OTUD7A: variants seen among roughly 807,000 people sequenced by gnomAD.
OTUD7A encodes the protein OTU deubiquitinase 7A.
OTUD7A carries 12 observed loss-of-function variants against 65.7 expected under a neutral mutation model. The ratio of observed to expected loss-of-function variants is 0.18; its 90% CI spans 0.12 to 0.30. The LOEUF is 0.30. OTUD7A is among the 10% of genes least tolerant of loss of function. OTUD7A has a pLI of 1.00. For missense variants in OTUD7A, 1,148 were observed against 1,304.8 expected (o/e 0.88, Z 1.85); for synonymous variants, 641 against 586.3 (o/e 1.09, Z -1.35).
intron 1 of OTUD7A, among the ~76,000 whole-genome samples, chr15:31,736,056 A>C (rs1024954270): frequency 6.6e-6 from 1 of 152,172 alleles, no homozygotes; most frequent in Non-Finnish European, 1.5e-5. Flanking sequence ...ACTGGGGCCT[A>C]CTGGAGGGCA....
chr15:31,637,099 A>T (rs573886291), intron 3 of OTUD7A, among the ~76,000 whole-genome samples: 1 of 152,346 alleles, frequency 6.6e-6, no homozygotes, highest in African/African-American at 2.4e-5. Context: ...TATACAACAG[A>T]TGTTCAATGT....
At chr15:31,655,429 T>C in intron 2 of OTUD7A, 179 bp from the exon 3 acceptor site, 1 of 456,968 alleles carries the variant, frequency 2.2e-6, no homozygotes, top group Non-Finnish European at 3.8e-6. Context: ...GACATTATAT[T>C]ATAGAATGCT....
chr15:31,653,333 T>C, intron 3 of OTUD7A, among the ~76,000 whole-genome samples: 1 of 152,098 alleles, frequency 6.6e-6, no homozygotes, highest in Non-Finnish European at 1.5e-5. Flanking sequence ...CTAGAAGCTC[T>C]AGTTGTAACT....
intron 1 of OTUD7A, among the ~76,000 whole-genome samples, chr15:31,661,642 C>G (rs1892167220): frequency 6.6e-6 from 1 of 152,174 alleles, no homozygotes; most frequent in African/African-American, 2.4e-5. Flanking sequence ...CCAGATAACA[C>G]ATTATTTCAT....
chr15:31,718,770 T>C (rs933535120), intron 1 of OTUD7A, among the ~76,000 whole-genome samples: 174 of 147,086 alleles, frequency 1.2e-3, no homozygotes, highest in African/African-American at 3.6e-3. Context: ...ATTGTTATCA[T>C]GGACTGTGCA....
At chr15:31,683,171 C>T (rs574811204) in intron 1 of OTUD7A, among the ~76,000 whole-genome samples, 4 of 152,190 alleles carry the variant, frequency 2.6e-5, no homozygotes, top group South Asian at 2.1e-4. Context: ...CACATGTCAG[C>T]GACTGGTAAA....
chr15:31,525,025 C>A (rs2041991648), intron 8 of OTUD7A, among the ~76,000 whole-genome samples: 1 of 152,156 alleles, frequency 6.6e-6, no homozygotes, highest in South Asian at 2.1e-4. Context: ...GTGATGGTCA[C>A]CTGTGATTGA....
chr15:31,670,695 TA>T (rs919154894), intron 1 of OTUD7A, among the ~76,000 whole-genome samples: 1 of 152,138 alleles, frequency 6.6e-6, no homozygotes, highest in African/African-American at 2.4e-5. Flanking sequence ...GGCTAGATTA[TA>T]AAAATCTTCT....
intron 1 of OTUD7A, among the ~76,000 whole-genome samples, chr15:31,745,533 T>A (rs770217819): frequency 6.6e-6 from 1 of 152,138 alleles, no homozygotes; most frequent in African/African-American, 2.4e-5. Flanking sequence ...CAAACAAAGA[T>A]TAATTCAAGA....
intron 1 of OTUD7A, among the ~76,000 whole-genome samples, chr15:31,798,613 C>G (rs574715798): frequency 2.7e-4 from 41 of 152,334 alleles, no homozygotes; most frequent in Non-Finnish European, 5.4e-4. Context: ...AGGGAAGAAC[C>G]AAAACCTCAC....
intron 1 of OTUD7A, among the ~76,000 whole-genome samples, chr15:31,685,037 T>G (rs1280143309): frequency 3.3e-5 from 5 of 152,072 alleles, no homozygotes; most frequent in Admixed American, 3.3e-4. Context: ...TATGGAAACG[T>G]TGATTCCAAA....
At chr15:31,818,203 G>A (rs1382994220) in intron 1 of OTUD7A, among the ~76,000 whole-genome samples, 1 of 152,166 alleles carries the variant, frequency 6.6e-6, no homozygotes, top group East Asian at 1.9e-4. Flanking sequence ...TAATTACCCA[G>A]TCTAAGTGAT....
chr15:31,606,142 G>A (rs1044909140), intron 3 of OTUD7A, among the ~76,000 whole-genome samples: 1 of 152,206 alleles, frequency 6.6e-6, no homozygotes, highest in East Asian at 1.9e-4. Context: ...CTCTTTGCTT[G>A]CAATTTTTAG....
intron 1 of OTUD7A, chr15:31,768,183 G>A: frequency 7.5e-7 from 1 of 1,337,626 alleles, no homozygotes; most frequent in Non-Finnish European, 1.1e-6. Flanking sequence ...GGCCCGGGAG[G>A]CACAACCCGA....
intron 3 of OTUD7A, among the ~76,000 whole-genome samples, chr15:31,588,884 C>T (rs550596372): frequency 6.6e-6 from 1 of 152,308 alleles, no homozygotes; most frequent in South Asian, 2.1e-4. Context: ...GGGAGGAGGG[C>T]CTCTTCCTCT....
At chr15:31,665,523 CTT>C (rs1566966996) in intron 1 of OTUD7A, among the ~76,000 whole-genome samples, 1 of 152,206 alleles carries the variant, frequency 6.6e-6, no homozygotes, top group Non-Finnish European at 1.5e-5. Context: ...TATCCAGAAA[CTT>C]TGCTGAATTC....
At chr15:31,858,331 A>G (rs1897631642) in intron 1 of OTUD7A, among the ~76,000 whole-genome samples, 1 of 152,174 alleles carries the variant, frequency 6.6e-6, no homozygotes, top group South Asian at 2.1e-4. Flanking sequence ...CCTGAGGTCC[A>G]ATGCCTCTTG....
chr15:31,527,164 TG>T lies in OTUD7A; in HGVS notation c.780+16del. The stretch of plus-strand genomic sequence containing the variant: ...TGGCCTGGGTCCCGGGCTCTGGCCA[TG>T]CCAGTGGATACCAACCTCCTTATTC... On this transcript the variant is annotated intron_variant, in intron 7 of 12. Coordinates refer to ENST00000307050, the MANE Select transcript of OTUD7A (RefSeq NM_001382637.1). 3 of 1,613,938 alleles carry T rather than the reference TG, an allele frequency of 1.9e-6. No homozygotes were observed. Among genetic ancestry groups the T allele is most frequent in the Non-Finnish European group, 2.5e-6 (3 of 1,179,918 alleles).
At position 31,735,990 on chromosome 15, in the gene OTUD7A, T is replaced by C. The variant is rs150903807; in HGVS notation, c.-99-78913A>G. Among the ~76,000 whole-genome samples, 836 of 152,272 alleles carry C rather than the reference T, an allele frequency of 5.5e-3. 9 individuals are homozygous for C. The highest frequency in any genetic ancestry group is 0.019 in the African/African-American group (809 of 41,544). On this transcript the variant is annotated intron_variant, in intron 1 of 12. Coordinates refer to ENST00000307050, the MANE Select transcript of OTUD7A (RefSeq NM_001382637.1). ...AAATCAAATACCACATGTTCTCACT[T>C]ATAAGTGGGAGCTAAATGATGAGAA...
Sources: gnomAD v4.1 joint callset for allele counts (sites outside exome capture counted in the v4.1 genomes callset) on GRCh38, gnomAD v4.1.1 for gene constraint, MANE v1.5 for transcripts, NCBI Gene and HGNC (gene_info 2026-07-23, HGNC 2026-07-21) for gene names.